FGF9: variants seen among roughly 807,000 people sequenced by gnomAD.
FGF9 encodes the protein fibroblast growth factor 9, also known as fibroblast growth factor 9 (glia-activating factor).
FGF9 carries 3 observed loss-of-function variants against 19.9 expected under a neutral mutation model. The ratio of observed to expected loss-of-function variants is 0.15; its 90% CI spans 0.07 to 0.39. The LOEUF (loss-of-function observed/expected upper bound fraction) is 0.39, where lower values mean the gene tolerates loss of function less well. Ranked by LOEUF, FGF9 falls within the 10% of genes least tolerant of loss-of-function variation. FGF9 has a pLI of 1.00. For missense variants in FGF9, 175 were observed against 256.8 expected (o/e 0.68, Z 2.18); for synonymous variants, 107 against 106.9 (o/e 1.00, Z -0.01).
rs1871786122 is a variant in FGF9 at position 21,672,243 on chromosome 13, A to G, written c.277+54A>G. 12 of 1,604,536 alleles carry G rather than the reference A, an allele frequency of 7.5e-6. No homozygotes were observed. The highest frequency in any genetic ancestry group is 1.0e-5 in the Non-Finnish European group (12 of 1,172,094). On this transcript the variant is annotated intron_variant, in intron 1 of 2. Coordinates refer to ENST00000382353, the MANE Select transcript of FGF9 (RefSeq NM_002010.3). This position sits in a 1 kb window ranked among gnomAD's most constrained non-coding sequence, Gnocchi z 4.2. ...CATGAGATGACATGTTGAAATTATA[A>G]CTACCAAGAAGGTGGTGGCCGGGTG...
At chr13:21,688,424 A>C (rs1872209678) in intron 2 of FGF9, among the ~76,000 whole-genome samples, 2 of 152,222 alleles carry the variant, frequency 1.3e-5, no homozygotes, top group African/African-American at 4.8e-5. Flanking sequence ...CCAATTTTCA[A>C]AGAATTGAAT....
chr13:21,683,108 A>T (rs1400119752), intron 2 of FGF9, among the ~76,000 whole-genome samples: 1 of 152,068 alleles, frequency 6.6e-6, no homozygotes, highest in Non-Finnish European at 1.5e-5. Context: ...ACCCCTCTGA[A>T]TTTTTCCCAG....
Position 21,673,291 on chromosome 13 carries a change from G to GTGCC in FGF9, c.277+1103_277+1106dup, listed in dbSNP as rs17087327. On this transcript the variant is annotated intron_variant, in intron 1 of 2. Transcript: ENST00000382353. Reference sequence around the variant, plus strand: ...GGTGATTTTTCTTCCTCATGCTTTAGTGCCAGATGTTGAACACAATCTAAA... The same window carrying GTGCC: ...GGTGATTTTTCTTCCTCATGCTTTAGTGCCTGCCAGATGTTGAACACAATCTAAA... Among the ~76,000 whole-genome samples the GTGCC allele has an allele frequency of 6.3e-3, 954 of 152,248 alleles. 9 individuals carry two copies. Among genetic ancestry groups the GTGCC allele is most frequent in the South Asian group, 0.025 (123 of 4,824 alleles).
chr13:21,699,179 T>C (rs1289538085), intron 2 of FGF9, among the ~76,000 whole-genome samples: 16 of 152,116 alleles, frequency 1.1e-4, no homozygotes, highest in Non-Finnish European at 1.5e-5. Flanking sequence ...GGAGTGCCTC[T>C]CTCCTGTGCA....
chr13:21,689,052 A>C (rs1872226091), intron 2 of FGF9, among the ~76,000 whole-genome samples: 1 of 152,170 alleles, frequency 6.6e-6, no homozygotes, highest in Non-Finnish European at 1.5e-5. Context: ...ATTTGGAGGA[A>C]TATTGTCGTG....
intron 2 of FGF9, among the ~76,000 whole-genome samples, chr13:21,698,767 C>T (rs953199413): frequency 3.9e-5 from 6 of 152,052 alleles, no homozygotes; most frequent in African/African-American, 1.4e-4. Context: ...AGTTTAATTC[C>T]GTAGTGTTTG....
Position 21,702,730 on chromosome 13 carries a change from T to C in FGF9, c.*1295T>C, listed in dbSNP as rs536710049. On this transcript the variant is annotated 3_prime_UTR_variant, in exon 3 of 3. Coordinates refer to ENST00000382353, the MANE Select transcript of FGF9 (RefSeq NM_002010.3). ...AATTATAGAAGTATCATAGGGGTCATTGTAACATCTTTTAGAGAAAATGGC... is the reference window on the plus strand; with the variant it reads ...AATTATAGAAGTATCATAGGGGTCACTGTAACATCTTTTAGAGAAAATGGC... 6.6e-6 allele frequency: 1 copy of C among 152,228 alleles called. No homozygotes were observed. The highest frequency in any genetic ancestry group is 1.5e-5 in the Non-Finnish European group (1 of 68,036). 9.4% of individuals were successfully genotyped at this position (152,228 alleles called of 1,614,324 possible). A position where few individuals can be genotyped will look rare whatever the true frequency, so the allele number is the denominator to read the frequency against.
chr13:21,693,930 G>T (rs187672670), intron 2 of FGF9, among the ~76,000 whole-genome samples: 1 of 152,136 alleles, frequency 6.6e-6, no homozygotes, highest in East Asian at 1.9e-4. Context: ...GATGCAGCCC[G>T]TTTCATTTGG....
intron 2 of FGF9, among the ~76,000 whole-genome samples, chr13:21,690,433 A>G (rs1872259749): frequency 6.6e-6 from 1 of 152,062 alleles, no homozygotes; most frequent in Non-Finnish European, 1.5e-5. Flanking sequence ...ACTAGCATTC[A>G]CCTACAACAC....
intron 2 of FGF9, among the ~76,000 whole-genome samples, chr13:21,697,921 C>T (rs1332947055): frequency 1.3e-5 from 2 of 151,914 alleles, no homozygotes; most frequent in East Asian, 3.9e-4. Flanking sequence ...CATTCTCCTG[C>T]CTCAGCCTCC....
intron 1 of FGF9, among the ~76,000 whole-genome samples, chr13:21,674,497 G>A (rs1388166006): frequency 6.6e-6 from 1 of 151,964 alleles, no homozygotes; most frequent in African/African-American, 2.4e-5. Context: ...CACAACCGGG[G>A]GAGCCCGGGG....
At chr13:21,699,539 C>G (rs180806083) in intron 2 of FGF9, among the ~76,000 whole-genome samples, 1 of 152,298 alleles carries the variant, frequency 6.6e-6, no homozygotes, top group African/African-American at 2.4e-5. Context: ...AAGGTGGCCT[C>G]ATGATGGGCT....
intron 1 of FGF9, among the ~76,000 whole-genome samples, chr13:21,673,700 T>G (rs956372067): frequency 6.6e-6 from 1 of 151,822 alleles, no homozygotes; most frequent in South Asian, 2.1e-4. Flanking sequence ...TGGGCGGCCC[T>G]GGGTGGGCGA....
rs1872014698 is a variant in FGF9, at chr13:21,680,372, T to C, written c.278-670T>C. 2.0e-5 allele frequency among the ~76,000 whole-genome samples: 3 copies of C among 152,220 alleles called. No homozygotes were observed. In the South Asian group the frequency reaches 6.2e-4, roughly 31 times the overall value. ...AAAGTTAACACAATAGAGAGCTGGA[T>C]AATTTTCTGTATAAACCAATCAAGG... On this transcript the variant is annotated intron_variant, in intron 1 of 2. Coordinates refer to ENST00000382353, the MANE Select transcript of FGF9 (RefSeq NM_002010.3).
At chr13:21,680,359 A>G (rs1046558489) in intron 1 of FGF9, among the ~76,000 whole-genome samples, 2 of 152,224 alleles carry the variant, frequency 1.3e-5, no homozygotes, top group African/African-American at 4.8e-5. Flanking sequence ...AGTTAACACA[A>G]TAGAGAGCTG....
intron 1 of FGF9, among the ~76,000 whole-genome samples, chr13:21,679,158 A>G (rs1329569695): frequency 6.6e-6 from 1 of 152,234 alleles, no homozygotes; most frequent in East Asian, 1.9e-4. Flanking sequence ...TATCAGATTC[A>G]AAACACAATT....
At chr13:21,690,595 T>C (rs1872264111) in intron 2 of FGF9, among the ~76,000 whole-genome samples, 1 of 152,248 alleles carries the variant, frequency 6.6e-6, no homozygotes, top group South Asian at 2.1e-4. Flanking sequence ...TCACAGATTC[T>C]GGTTTTTGTG....
In FGF9 at chr13:21,696,402, T is replaced by C. The variant is rs74800376; in HGVS notation, c.382-4788T>C. On this transcript the variant is annotated intron_variant, in intron 2 of 2. Transcript: ENST00000382353. Reference sequence around the variant, plus strand: ...ATCCACATTCTCCACCCAAGCCTAGTGATATAATCCAACAGTTCAAAGATA... The same window carrying C: ...ATCCACATTCTCCACCCAAGCCTAGCGATATAATCCAACAGTTCAAAGATA... Among the ~76,000 whole-genome samples the C allele has an allele frequency of 7.8e-4, 119 of 152,292 alleles. 1 individual carries two copies. The highest frequency in any genetic ancestry group is 2.8e-3 in the African/African-American group (115 of 41,558).
intron 1 of FGF9, among the ~76,000 whole-genome samples, chr13:21,674,388 G>T (rs1239496865): frequency 6.6e-6 from 1 of 151,968 alleles, no homozygotes; most frequent in Non-Finnish European, 1.5e-5. Context: ...GGCGGGCGGA[G>T]GGGGCGGCGT....
Sources: allele counts gnomAD v4.1 joint callset (sites outside exome capture counted in the v4.1 genomes callset), GRCh38; gene constraint gnomAD v4.1.1; non-coding constraint Gnocchi (gnomAD v3.1); transcripts MANE v1.5; gene names NCBI Gene and HGNC (gene_info 2026-07-23, HGNC 2026-07-21).